Variants in SHC2 observed in about 807,000 individuals in gnomAD.
The protein encoded by SHC2 is SHC adaptor protein 2.
A neutral mutation model predicts 60.6 loss-of-function variants in SHC2; 62 were observed. That is an observed-to-expected ratio of 1.02 (90% confidence interval 0.83 to 1.26). The LOEUF is 1.26. Ranked by LOEUF, SHC2 falls within the 50% of genes most tolerant of loss-of-function variation. SHC2 has a pLI of 0.00. For synonymous variants in SHC2, 375 were observed against 372.4 expected, an observed-to-expected ratio of 1.01 and a Z score of -0.08; for missense variants, 873 against 822.2, an observed-to-expected ratio of 1.06 and a Z score of -0.76.
In SHC2 at chr19:436,417, G is replaced by A. The variant is rs760036602; in HGVS notation, c.789C>T (p.Tyr263=). Residue 263 remains tyrosine (Y), a synonymous_variant, in exon 6 of 13, where the codon TAC becomes TAT. Coordinates refer to ENST00000264554, the MANE Select transcript of SHC2 (RefSeq NM_012435.3). ...TGGGGTCCTTGGCGACGTAGGCCAC[G>A]TAATCCGTCATGTCCTGGGGGCGGG... is the stretch of plus-strand genomic sequence containing the variant. ...ASGGDTDMTD[Y]VAYVAKDPIN... is the part of the protein sequence containing the mutation. 1.4e-5 allele frequency: 23 copies of A among 1,597,372 alleles called. No homozygotes were observed. The highest frequency in any genetic ancestry group is 2.7e-5 in the African/African-American group (2 of 74,302).
chr19:421,412 A>AAAAAAAAAAAG (rs1974269079), intron 11 of SHC2, among the ~76,000 whole-genome samples: 1 of 144,612 alleles, frequency 6.9e-6, no homozygotes, highest in African/African-American at 2.6e-5. Flanking sequence ...AAAAAAAAAA[A>AAAAAAAAAAAG]AAAAGAAAAG....
chr19:422,509 T>C lies in SHC2; in HGVS notation c.1310-53A>G. On this transcript the variant is annotated intron_variant, in intron 10 of 12. Transcript: ENST00000264554. The surrounding 1 kb of genome is among the most constrained non-coding windows in gnomAD (Gnocchi z 5.0). ...CAGGCAGGGGGCAAGCAGCTACTCCTGCCGGGACCAGAGCTGGGAGAAACG... is the reference window on the plus strand; with the variant it reads ...CAGGCAGGGGGCAAGCAGCTACTCCCGCCGGGACCAGAGCTGGGAGAAACG... 7.1e-7 allele frequency: 1 copy of C among 1,416,610 alleles called. No individual in the cohort carries two copies. Among genetic ancestry groups the C allele is most frequent in the Non-Finnish European group, 9.4e-7 (1 of 1,064,120 alleles). 87.8% of individuals were successfully genotyped at this position (1,416,610 alleles called of 1,614,324 possible).
At chr19:426,339 G>A (rs1165586654) in intron 9 of SHC2, among the ~76,000 whole-genome samples, 3 of 151,008 alleles carry the variant, frequency 2.0e-5, no homozygotes, top group African/African-American at 7.3e-5. Flanking sequence ...CCAAGAGTCC[G>A]GGGAGGGAGG....
At chr19:435,274 C>T (rs1974689618) in intron 7 of SHC2, among the ~76,000 whole-genome samples, 1 of 152,278 alleles carries the variant, frequency 6.6e-6, no homozygotes, top group Non-Finnish European at 1.5e-5. Context: ...ATTGATCCTG[C>T]AGGTGCTCCT....
chr19:419,881 G>A (rs1974229549), intron 11 of SHC2: 1 of 152,270 alleles, frequency 6.6e-6, no homozygotes, highest in South Asian at 2.1e-4. Flanking sequence ...GAGTGAGGCT[G>A]GGGGCCCTGT....
chr19:438,656 C>T lies in SHC2; in HGVS notation c.720+62G>A. On this transcript the variant is annotated intron_variant, in intron 4 of 12. Transcript: ENST00000264554. This position sits in a 1 kb window ranked among gnomAD's most constrained non-coding sequence, Gnocchi z 5.0. ...GCCCCCAGCACCCCACCTGGCTTTG[C>T]CTCCTAGGACTCCTGGCCCCTCTGG... 2.6e-6 allele frequency: 4 copies of T among 1,517,932 alleles called. No individual in the cohort carries two copies. Among genetic ancestry groups the T allele is most frequent in the Admixed American group, 4.1e-5 (2 of 48,408 alleles). 94.0% of individuals were successfully genotyped at this position (1,517,932 alleles called of 1,614,324 possible).
chr19:417,621 C>T lies in SHC2; in HGVS notation c.*6-299G>A, dbSNP rs181978906. 2.5e-3 allele frequency among the ~76,000 whole-genome samples: 382 copies of T among 152,360 alleles called. 2 individuals are homozygous for T. The highest frequency in any genetic ancestry group is 8.7e-3 in the African/African-American group (360 of 41,584). The stretch of plus-strand genomic sequence containing the variant: ...TGAGCACATTCCTGGGACAGGGCAA[C>T]GGCCTCCTGAGCAGGAATCATTACT... On this transcript the variant is annotated intron_variant, in intron 12 of 12. Transcript: ENST00000264554.
In SHC2 at chr19:436,618, C is replaced by T. The variant is rs1422796654; in HGVS notation, c.774+12G>A. ...GGCAGGGCTGCAGGTCCACCCCCAT[C>T]CCTGGCCTCACCGTGTCTCCGCCTG... On this transcript the variant is annotated intron_variant, in intron 5 of 12. Transcript: ENST00000264554. The T allele has an allele frequency of 1.2e-6, 2 of 1,603,098 alleles. No homozygotes were observed.
intron 1 of SHC2, among the ~76,000 whole-genome samples, chr19:449,916 C>T (rs1462206032): frequency 3.9e-5 from 6 of 152,216 alleles, no homozygotes; most frequent in Non-Finnish European, 7.3e-5. Flanking sequence ...AAAAGCTCTA[C>T]GTAGTCTACT....
In SHC2 at chr19:441,074, G is replaced by T; in HGVS notation, c.469-142C>A. The T allele has an allele frequency of 6.7e-7, 1 of 1,492,644 alleles. No homozygotes were observed. The highest frequency in any genetic ancestry group is 9.0e-7 in the Non-Finnish European group (1 of 1,115,758). The allele number at this position is 1,492,644 out of a possible 1,614,324, so 92.5% of individuals were successfully genotyped here. ...TCCCTGGTGGCTCTGGGGCCGTCGTGCCTCCCCCACCTCAAGGCCCAGCCT... is the reference window on the plus strand; with the variant it reads ...TCCCTGGTGGCTCTGGGGCCGTCGTTCCTCCCCCACCTCAAGGCCCAGCCT... On this transcript the variant is annotated intron_variant, in intron 1 of 12. Transcript: ENST00000264554. This position sits in a 1 kb window ranked among gnomAD's most constrained non-coding sequence, Gnocchi z 4.9.
rs954266291 is a variant in SHC2, at chr19:428,358, A to T, written c.1174+2326T>A. ...GTCCTGGCACACAGGCGGACCGTTT[A>T]AGGTCACCACACTGCTGTCTGTCAT... On this transcript the variant is annotated intron_variant, in intron 9 of 12. Coordinates refer to ENST00000264554, the MANE Select transcript of SHC2 (RefSeq NM_012435.3). Among the ~76,000 whole-genome samples, 4 of 152,214 alleles carry T rather than the reference A, an allele frequency of 2.6e-5. No homozygotes were observed. In the East Asian group the frequency reaches 7.7e-4, roughly 29 times the overall value.
At position 422,266 on chromosome 19, in the gene SHC2, C is replaced by A. The variant is rs375677068; in HGVS notation, c.1500G>T (p.Met500Ile). The change falls in exon 11 of 13, where the codon ATG becomes ATT. Residue 500 changes from methionine (M) to isoleucine (I), a missense_variant. Physicochemically the swap from Met to Ile is conservative, Grantham distance 10. Transcript: ENST00000264554. This position sits in a 1 kb window ranked among gnomAD's most constrained non-coding sequence, Gnocchi z 5.0. The part of the protein sequence containing the change: ...GRMSRRAAER[M>I]LRADGDFLVR... ...CAAGGAAGTCCCCGTCAGCTCGAAG[C>A]ATCCTCTCTGCCGCCCGGCGGCTCA... is the stretch of plus-strand genomic sequence containing the variant. 1.1e-4 allele frequency: 182 copies of A among 1,612,340 alleles called. No individual in the cohort carries two copies. The highest frequency in any genetic ancestry group is 1.3e-4 in the Non-Finnish European group (148 of 1,179,672).
At position 461,010 on chromosome 19, in the gene SHC2, C is replaced by G. The variant is rs1318653159; in HGVS notation, c.-14G>C. On this transcript the variant is annotated 5_prime_UTR_variant, in exon 1 of 13. Transcript: ENST00000264554. ...ACCCTGCGTCATGGCCGCGGCCGCC[C>G]GACGGAGCCCGACCGGGCGCTGCGC... 1 of 898,042 alleles carries G rather than the reference C, an allele frequency of 1.1e-6. No homozygotes were observed. Among genetic ancestry groups the G allele is most frequent in the Non-Finnish European group, 1.3e-6 (1 of 750,084 alleles). The allele number at this position is 898,042 out of a possible 1,614,324, so 55.6% of individuals were successfully genotyped here. A position where few individuals can be genotyped will look rare whatever the true frequency, so the allele number is the denominator to read the frequency against.
rs1196853133 is a variant in SHC2, at chr19:425,076, G to GC, written c.1309+20dup. The GC allele has an allele frequency of 8.8e-6, 12 of 1,363,492 alleles. No homozygotes were observed. Among genetic ancestry groups the GC allele is most frequent in the South Asian group, 6.4e-5 (3 of 46,718 alleles). The allele number at this position is 1,363,492 out of a possible 1,614,324, so 84.5% of individuals were successfully genotyped here. A position where few individuals can be genotyped will look rare whatever the true frequency, so the allele number is the denominator to read the frequency against. On this transcript the variant is annotated intron_variant, in intron 10 of 12. Coordinates refer to ENST00000264554, the MANE Select transcript of SHC2 (RefSeq NM_012435.3). The surrounding 1 kb of genome is among the most constrained non-coding windows in gnomAD (Gnocchi z 4.1). ...AACACGGCCACACGCGATGACGGCC[G>GC]CCCCCCAGGCTGCCACATACGCATG...
At chr19:427,519 C>CGGCACAGGGAAGGGGAATTGCGCAT (rs1974449049) in intron 9 of SHC2, among the ~76,000 whole-genome samples, 3 of 134,616 alleles carry the variant, frequency 2.2e-5, no homozygotes, top group Non-Finnish European at 4.8e-5. Context: ...GAATTGCGCA[C>CGGCACAGGGAAGGGGAATTGCGCAT]GGCACAGGGA....
At chr19:450,459 C>T (rs1248619504) in intron 1 of SHC2, among the ~76,000 whole-genome samples, 1 of 152,222 alleles carries the variant, frequency 6.6e-6, no homozygotes, top group African/African-American at 2.4e-5. Context: ...CCAGAACGTC[C>T]TCATCTTCCC....
chr19:460,511 G>C lies in SHC2; in HGVS notation c.468+18C>G, dbSNP rs910021936. 5.9e-5 allele frequency: 73 copies of C among 1,234,322 alleles called. No individual in the cohort carries two copies. In the African/African-American group the frequency reaches 1.1e-3, roughly 18 times the overall value. The allele number at this position is 1,234,322 out of a possible 1,614,324, so 76.5% of individuals were successfully genotyped here. On this transcript the variant is annotated intron_variant, in intron 1 of 12. Coordinates refer to ENST00000264554, the MANE Select transcript of SHC2 (RefSeq NM_012435.3). ...GGCCGCCGCGAACGGGCTCCCGGGG[G>C]GGGTGGGGGGGACTCACCCGCACGA...
At chr19:448,097 C>G (rs896418244) in intron 1 of SHC2, among the ~76,000 whole-genome samples, 4 of 152,200 alleles carry the variant, frequency 2.6e-5, no homozygotes, top group Admixed American at 1.3e-4. Context: ...GCTCCCGGGG[C>G]GTGCACTGCG....
intron 12 of SHC2, among the ~76,000 whole-genome samples, chr19:418,489 C>T (rs964230504): frequency 1.3e-5 from 2 of 152,248 alleles, no homozygotes; most frequent in Non-Finnish European, 2.9e-5. Flanking sequence ...ACACACAAAA[C>T]GTGGTCCCCT....
Sources: allele counts gnomAD v4.1 joint callset (sites outside exome capture counted in the v4.1 genomes callset), GRCh38; gene constraint gnomAD v4.1.1; non-coding constraint Gnocchi (gnomAD v3.1); transcripts MANE v1.5; gene names NCBI Gene and HGNC (gene_info 2026-07-23, HGNC 2026-07-21).